Variants in CHL1 observed in about 807,000 individuals in gnomAD.
CHL1 encodes the protein neural cell adhesion molecule L1-like protein.
CHL1 carries 96 observed loss-of-function variants against 141.9 expected under a neutral mutation model. That is an observed-to-expected ratio of 0.68 (90% CI 0.57 to 0.80). The LOEUF (loss-of-function observed/expected upper bound fraction) is 0.80. Among genes scored for constraint, CHL1 ranks in the 30% least tolerant of loss-of-function variants. The pLI is 0.00. For synonymous variants in CHL1, 613 were observed against 502.2 expected (o/e 1.22, Z -2.95); for missense variants, 1,820 against 1,457.2 (o/e 1.25, Z -4.05).
chr3:324,550 T>C (rs1430281800), intron 3 of CHL1, among the ~76,000 whole-genome samples: 1 of 152,052 alleles, frequency 6.6e-6, no homozygotes, highest in African/African-American at 2.4e-5. Flanking sequence ...ATAGTTGTAA[T>C]TCTCAGAAAT....
chr3:204,427 C>T (rs952839469), intron 1 of CHL1, among the ~76,000 whole-genome samples: 2 of 152,096 alleles, frequency 1.3e-5, no homozygotes, highest in Admixed American at 6.5e-5. Context: ...AGAACAAGGA[C>T]GATGAAGGAA....
chr3:375,194 G>A (rs1180824981), intron 15 of CHL1, among the ~76,000 whole-genome samples: 1 of 152,150 alleles, frequency 6.6e-6, no homozygotes, highest in African/African-American at 2.4e-5. Context: ...ATACACTATG[G>A]TTATGAAAAA....
chr3:344,524 TG>T, intron 8 of CHL1, 64 bp from the exon 9 acceptor site: 2 of 1,229,274 alleles, frequency 1.6e-6, no homozygotes, highest in Non-Finnish European at 2.3e-6. Flanking sequence ...AAGAAAGATG[TG>T]GTGTCACAGA....
intron 15 of CHL1, among the ~76,000 whole-genome samples, chr3:371,069 T>C (rs1373285123): frequency 6.6e-6 from 1 of 152,210 alleles, no homozygotes; most frequent in East Asian, 1.9e-4. Flanking sequence ...CTGAGAAGAA[T>C]GTATATTCTG....
At chr3:323,626 G>C (rs888665426) in intron 3 of CHL1, among the ~76,000 whole-genome samples, 4 of 152,078 alleles carry the variant, frequency 2.6e-5, no homozygotes, top group Non-Finnish European at 5.9e-5. Flanking sequence ...TACGTTATCT[G>C]TGTACGGCTG....
At chr3:215,100 A>G (rs1047995602) in intron 1 of CHL1, among the ~76,000 whole-genome samples, 4 of 152,172 alleles carry the variant, frequency 2.6e-5, no homozygotes, top group African/African-American at 9.6e-5. Context: ...AAGAGATACT[A>G]TGTTGAAGAG....
intron 26 of CHL1, among the ~76,000 whole-genome samples, chr3:399,613 T>C (rs1007877982): frequency 1.3e-5 from 2 of 152,170 alleles, no homozygotes; most frequent in Non-Finnish European, 2.9e-5. Context: ...GTACTTCAGC[T>C]TGGGCGACAA....
At chr3:341,290 G>A (rs577223738) in intron 6 of CHL1, among the ~76,000 whole-genome samples, 13 of 152,244 alleles carry the variant, frequency 8.5e-5, no homozygotes, top group African/African-American at 2.6e-4. Context: ...ATCTAGCTTT[G>A]TAAAGTCTAC....
chr3:302,527 G>T (rs908074983), intron 2 of CHL1, among the ~76,000 whole-genome samples: 2 of 152,224 alleles, frequency 1.3e-5, no homozygotes, highest in East Asian at 3.9e-4. Context: ...TATGTCTGTT[G>T]GCTGCATAAA....
Position 354,646 on chromosome 3 carries a change from C to T in CHL1, c.1040C>T (p.Pro347Leu). 1 of 1,611,530 alleles carries T rather than the reference C, an allele frequency of 6.2e-7. No homozygotes were observed. The highest frequency in any genetic ancestry group is 1.1e-5 in the South Asian group (1 of 90,710). ...HDFHVIVEEP[P>L]RWTKKPQSAV... Reference sequence around the variant, plus strand: ...CTCTTCACTTTACATCCAGAGCCTCCTCGCTGGACAAAGAAGCCTCAGAGT... The same window carrying T: ...CTCTTCACTTTACATCCAGAGCCTCTTCGCTGGACAAAGAAGCCTCAGAGT... The change falls in exon 11 of 28, where the codon CCT (proline) becomes CTT (leucine). Residue 347 changes from proline to leucine, a missense_variant. Coordinates refer to ENST00000256509, the MANE Select transcript of CHL1 (RefSeq NM_006614.4).
intron 1 of CHL1, among the ~76,000 whole-genome samples, chr3:228,207 C>A (rs889394793): frequency 1.3e-5 from 2 of 152,126 alleles, no homozygotes; most frequent in Non-Finnish European, 2.9e-5. Context: ...AATTTTAATT[C>A]AATTAAGTGT....
chr3:389,264 A>G lies in CHL1; in HGVS notation c.2260A>G (p.Met754Val). 2 of 1,607,832 alleles carry G rather than the reference A, an allele frequency of 1.2e-6. No individual in the cohort carries two copies. Among genetic ancestry groups the G allele is most frequent in the Middle Eastern group, 1.7e-4 (1 of 5,944 alleles). Reference sequence around the variant, plus strand: ...CCTTCTGTTTTAGCCTTTGAAATCCATGGAGCAGAATGGACCAGGCCTAGA... The same window carrying G: ...CCTTCTGTTTTAGCCTTTGAAATCCGTGGAGCAGAATGGACCAGGCCTAGA... Reference protein sequence around the residue: ...MIIKWEPLKSMEQNGPGLEYR... With the variant: ...MIIKWEPLKSVEQNGPGLEYR... Residue 754 changes from methionine to valine, a missense_variant, in exon 20 of 28, where the codon ATG becomes GTG. Coordinates refer to ENST00000256509, the MANE Select transcript of CHL1 (RefSeq NM_006614.4).
chr3:329,020 GT>G (rs1701232162), intron 5 of CHL1, among the ~76,000 whole-genome samples: 1 of 152,134 alleles, frequency 6.6e-6, no homozygotes, highest in South Asian at 2.1e-4. Context: ...AATAAAATTT[GT>G]GTAAAACTGC....
At chr3:327,422 C>T (rs376750296) in intron 4 of CHL1, among the ~76,000 whole-genome samples, 2 of 88,060 alleles carry the variant, frequency 2.3e-5, no homozygotes, top group Non-Finnish European at 3.1e-5. Context: ...TAACTGTGTA[C>T]ATTTTTTTTC....
intron 2 of CHL1, among the ~76,000 whole-genome samples, chr3:251,348 C>G (rs180731853): frequency 1.8e-4 from 28 of 152,196 alleles, no homozygotes; most frequent in Non-Finnish European, 1.5e-4. Flanking sequence ...ATATGAGTTC[C>G]AGCTTTAACT....
At chr3:205,795 A>G (rs796677681) in intron 1 of CHL1, among the ~76,000 whole-genome samples, 82 of 152,308 alleles carry the variant, frequency 5.4e-4, no homozygotes, top group African/African-American at 1.7e-3. Context: ...ACCATTGATC[A>G]TTTATCAAGT....
chr3:304,467 G>T (rs1229379502), intron 2 of CHL1, among the ~76,000 whole-genome samples: 1 of 152,116 alleles, frequency 6.6e-6, no homozygotes, highest in Non-Finnish European at 1.5e-5. Flanking sequence ...GCTTAGACTT[G>T]GGAGGGTGTA....
chr3:242,539 T>G (rs569590262), intron 1 of CHL1, among the ~76,000 whole-genome samples: 3 of 151,928 alleles, frequency 2.0e-5, no homozygotes, highest in Non-Finnish European at 4.4e-5. Flanking sequence ...GAGCTTGCAG[T>G]GAGCCGAGAT....
chr3:352,208 A>T (rs1703329028), intron 10 of CHL1, among the ~76,000 whole-genome samples: 1 of 152,178 alleles, frequency 6.6e-6, no homozygotes, highest in Non-Finnish European at 1.5e-5. Context: ...CAAATAACAA[A>T]CCTATTTCTA....
Sources: allele counts gnomAD v4.1 joint callset (sites outside exome capture counted in the v4.1 genomes callset), GRCh38; gene constraint gnomAD v4.1.1; transcripts MANE v1.5; gene names NCBI Gene and HGNC (gene_info 2026-07-23, HGNC 2026-07-21).